C1orf146: variants seen among roughly 807,000 people sequenced by gnomAD.
C1orf146 encodes the protein chromosome 1 open reading frame 146.
C1orf146 carries 22 observed loss-of-function variants against 23.0 expected under a neutral mutation model. The observed-to-expected ratio is 0.96, with a 90% CI of 0.68 to 1.36. The LOEUF (loss-of-function observed/expected upper bound fraction) is 1.36. Ranked by LOEUF, C1orf146 falls within the 40% of genes most tolerant of loss-of-function variation. The probability of loss-of-function intolerance (pLI) is 0.00; values close to 1 mark genes in which losing one functional copy is unlikely to be tolerated. For synonymous variants in C1orf146, 59 were observed against 65.3 expected (o/e 0.90, Z 0.47); for missense variants, 199 against 206.8 (o/e 0.96, Z 0.23).
rs377165626 is a variant in C1orf146, at chr1:92,242,384, A to T, written c.160+79A>T. The T allele has an allele frequency of 1.1e-4, 79 of 733,014 alleles. 1 individual carries two copies. The highest frequency in any genetic ancestry group is 6.1e-4 in the East Asian group (22 of 36,164). 45.4% of individuals were successfully genotyped at this position (733,014 alleles called of 1,614,324 possible). A position where few individuals can be genotyped will look rare whatever the true frequency, so the allele number is the denominator to read the frequency against. ...ATTCTAATGACTTCATAGTTCAGTA[A>T]CCATGTAATGTATTATCTTTTGGGA... On this transcript the variant is annotated intron_variant, in intron 3 of 5. Transcript: ENST00000370375.
rs541028261 is a variant in C1orf146, at chr1:92,236,238, G to A, written c.66+4752G>A. 3.2e-4 allele frequency among the ~76,000 whole-genome samples: 49 copies of A among 152,014 alleles called. 2 individuals are homozygous for A. The South Asian group carries it at 4.2e-3, about 13-fold the overall frequency. ...TTACATTTTGGCATGATTTTGCAGC[G>A]GCTGGTACCGGTTGTTCCTTTCCAT... On this transcript the variant is annotated intron_variant, in intron 2 of 5. Coordinates refer to ENST00000370375, the MANE Select transcript of C1orf146 (RefSeq NM_001012425.2).
intron 1 of C1orf146, among the ~76,000 whole-genome samples, chr1:92,227,568 TCTC>T (rs1454938998): frequency 1.3e-5 from 2 of 151,942 alleles, no homozygotes; most frequent in Non-Finnish European, 2.9e-5. Context: ...ATAAAGAACT[TCTC>T]CTGGTATCTT....
intron 1 of C1orf146, among the ~76,000 whole-genome samples, 169 bp downstream of exon 1, chr1:92,218,217 G>C (rs1651725161): frequency 6.6e-6 from 1 of 152,208 alleles, no homozygotes; most frequent in African/African-American, 2.4e-5. Context: ...TTCCCCTTGA[G>C]AATCGGTGTG....
At chr1:92,229,658 A>G (rs1213263026) in intron 1 of C1orf146, among the ~76,000 whole-genome samples, 1 of 152,218 alleles carries the variant, frequency 6.6e-6, no homozygotes, top group Non-Finnish European at 1.5e-5. Flanking sequence ...CTAACCATAA[A>G]TGAAAAGATT....
chr1:92,239,179 G>C (rs1248842196), intron 2 of C1orf146, among the ~76,000 whole-genome samples: 1 of 152,110 alleles, frequency 6.6e-6, no homozygotes, highest in Non-Finnish European at 1.5e-5. Context: ...TAGTAAACAG[G>C]CTGTTTTAAG....
Position 92,242,232 on chromosome 1 carries a change from C to A in C1orf146, c.87C>A (p.Ala29=). 2 of 1,592,440 alleles carry A rather than the reference C, an allele frequency of 1.3e-6. No homozygotes were observed. Among genetic ancestry groups the A allele is most frequent in the Non-Finnish European group, 1.7e-6 (2 of 1,167,272 alleles). Reference sequence around the variant, plus strand: ...AAAAGAGTTATGAAGTTGCAACTGCCCTAGAAAATCGAAGCCACAAAGTTC... The same window carrying A: ...AAAAGAGTTATGAAGTTGCAACTGCACTAGAAAATCGAAGCCACAAAGTTC... ...SSLKSYEVAT[A]LENRSHKVRY... The change falls in exon 3 of 6, where the codon GCC becomes GCA. Residue 29 remains alanine, a synonymous_variant. Transcript: ENST00000370375.
At position 92,229,535 on chromosome 1, in the gene C1orf146, T is replaced by G. The variant is rs893041093; in HGVS notation, c.-39-1847T>G. 7 of 402,376 alleles carry G rather than the reference T, an allele frequency of 1.7e-5. No individual in the cohort carries two copies. In the Admixed American group the frequency reaches 2.2e-4, roughly 13 times the overall value. The allele number at this position is 402,376 out of a possible 1,614,324, so 24.9% of individuals were successfully genotyped here. ...CCTGATCCGGAAGTTTGGCTAACTT[T>G]TCTTGATTTGTGCTGTTGGTTAATC... On this transcript the variant is annotated intron_variant, in intron 1 of 5. Coordinates refer to ENST00000370375, the MANE Select transcript of C1orf146 (RefSeq NM_001012425.2).
At chr1:92,220,574 TA>T (rs995599532) in intron 1 of C1orf146, among the ~76,000 whole-genome samples, 1 of 152,098 alleles carries the variant, frequency 6.6e-6, no homozygotes, top group Non-Finnish European at 1.5e-5. Flanking sequence ...TATCTAAATG[TA>T]AAAAAAGTAA....
intron 1 of C1orf146, among the ~76,000 whole-genome samples, chr1:92,224,525 C>G (rs1651919178): frequency 6.6e-6 from 1 of 152,152 alleles, no homozygotes; most frequent in South Asian, 2.1e-4. Flanking sequence ...ATGATTCATT[C>G]TGAGTTAAAT....
chr1:92,227,729 A>G (rs1652003539), intron 1 of C1orf146, among the ~76,000 whole-genome samples: 1 of 151,990 alleles, frequency 6.6e-6, no homozygotes. Flanking sequence ...CTTAAAAGCT[A>G]TTATTCAGTT....
At chr1:92,225,306 C>G (rs549438310) in intron 1 of C1orf146, among the ~76,000 whole-genome samples, 2 of 152,136 alleles carry the variant, frequency 1.3e-5, no homozygotes, top group East Asian at 3.9e-4. Context: ...GGGGTTTTGC[C>G]CTGTTGCCCA....
At chr1:92,244,630 A>G (rs1032996295) in intron 4 of C1orf146, 149 bp from the exon 5 acceptor site, 1 of 642,910 alleles carries the variant, frequency 1.6e-6, no homozygotes, top group African/African-American at 1.8e-5. Context: ...TTCTGGCTAT[A>G]AAGCCATCTC....
chr1:92,221,116 AAATG>A (rs1433531713), intron 1 of C1orf146, among the ~76,000 whole-genome samples: 1 of 152,238 alleles, frequency 6.6e-6, no homozygotes, highest in Non-Finnish European at 1.5e-5. Context: ...TGGATAAAGA[AAATG>A]AACATATACA....
chr1:92,240,322 T>C (rs990505777), intron 2 of C1orf146, among the ~76,000 whole-genome samples: 1 of 121,610 alleles, frequency 8.2e-6, no homozygotes, highest in East Asian at 2.5e-4. Flanking sequence ...CTTGGCCTTA[T>C]AATTTTTTAC....
At chr1:92,226,844 C>G (rs34784980) in intron 1 of C1orf146, among the ~76,000 whole-genome samples, 3,379 of 152,212 alleles carry the variant, frequency 0.022, 151 homozygotes, top group African/African-American at 0.076. Flanking sequence ...TTTTCTCTCT[C>G]TAGCCTGCTT....
chr1:92,236,207 T>C (rs1220443413), intron 2 of C1orf146, among the ~76,000 whole-genome samples: 1 of 152,144 alleles, frequency 6.6e-6, no homozygotes, highest in Non-Finnish European at 1.5e-5. Flanking sequence ...CTAGTCTCGA[T>C]GGTCTTTACA....
chr1:92,220,055 C>T (rs982931886), intron 1 of C1orf146, among the ~76,000 whole-genome samples: 1 of 152,152 alleles, frequency 6.6e-6, no homozygotes, highest in Admixed American at 6.5e-5. Context: ...CATGCCCCAT[C>T]AATGCCATCT....
intron 2 of C1orf146, among the ~76,000 whole-genome samples, chr1:92,233,901 G>T (rs998188194): frequency 2.0e-5 from 3 of 152,046 alleles, no homozygotes; most frequent in Non-Finnish European, 4.4e-5. Context: ...TCATGATTTG[G>T]CTCTCTGTTT....
intron 1 of C1orf146, chr1:92,228,888 A>G: frequency 2.5e-6 from 1 of 404,820 alleles, no homozygotes; most frequent in Non-Finnish European, 4.8e-6. Flanking sequence ...TTCAAGGACA[A>G]TTTCTTTTCG....
Sources: allele counts gnomAD v4.1 joint callset (sites outside exome capture counted in the v4.1 genomes callset), GRCh38; gene constraint gnomAD v4.1.1; transcripts MANE v1.5; gene names NCBI Gene and HGNC (gene_info 2026-07-23, HGNC 2026-07-21).